The following ZNF438 variants were observed in gnomAD, a reference collection of about 807,000 sequenced individuals.
ZNF438 encodes zinc finger protein 438.
ZNF438 carries 25 observed loss-of-function variants against 38.0 expected under a neutral mutation model. The observed-to-expected ratio is 0.66, with a 90% CI of 0.48 to 0.92. The LOEUF is 0.92. Among genes scored for constraint, ZNF438 ranks in the 40% least tolerant of loss-of-function variants. The probability of loss-of-function intolerance (pLI) is 0.00; values close to 1 mark genes in which losing one functional copy is unlikely to be tolerated. For synonymous variants in ZNF438, 372 were observed against 364.1 expected (o/e 1.02, Z -0.25); for missense variants, 1,007 against 999.6 (o/e 1.01, Z -0.10).
chr10:30,957,224 T>C (rs1406948126), intron 1 of ZNF438, among the ~76,000 whole-genome samples: 1 of 152,232 alleles, frequency 6.6e-6, no homozygotes, highest in African/African-American at 2.4e-5. Flanking sequence ...TTTCCCACTT[T>C]AGCATTCAGA....
intron 1 of ZNF438, among the ~76,000 whole-genome samples, chr10:30,951,369 A>G (rs2048173666): frequency 6.7e-6 from 1 of 150,282 alleles, no homozygotes; most frequent in Non-Finnish European, 1.5e-5. Flanking sequence ...CACCACTCCT[A>G]TTCAACATAG....
intron 4 of ZNF438, among the ~76,000 whole-genome samples, chr10:30,859,169 C>G (rs1428854028): frequency 6.6e-6 from 1 of 152,204 alleles, no homozygotes; most frequent in East Asian, 1.9e-4. Context: ...CAGCTTCAAA[C>G]TCCCCAGGCT....
chr10:30,997,530 T>C (rs1383958336), intron 1 of ZNF438, among the ~76,000 whole-genome samples: 1 of 151,846 alleles, frequency 6.6e-6, no homozygotes, highest in African/African-American at 2.4e-5. Context: ...CAGACACTAG[T>C]GGTTGCCTAC....
At chr10:31,018,417 C>G (rs999862998) in intron 1 of ZNF438, among the ~76,000 whole-genome samples, 35 of 152,198 alleles carry the variant, frequency 2.3e-4, no homozygotes, top group Non-Finnish European at 4.3e-4. Flanking sequence ...AACTACTTCC[C>G]TGGAGGTACA....
intron 3 of ZNF438, among the ~76,000 whole-genome samples, chr10:30,889,368 T>C (rs948627529): frequency 1.3e-5 from 2 of 152,182 alleles, no homozygotes; most frequent in African/African-American, 4.8e-5. Context: ...AATGGCTGCA[T>C]GCTGCTAACG....
At chr10:31,010,804 G>A (rs919984608) in intron 1 of ZNF438, among the ~76,000 whole-genome samples, 1 of 146,914 alleles carries the variant, frequency 6.8e-6, no homozygotes, top group African/African-American at 2.6e-5. Context: ...GAGGCAGGAG[G>A]ATCACTTGTG....
intron 4 of ZNF438, among the ~76,000 whole-genome samples, chr10:30,851,226 T>C (rs757134426): frequency 2.8e-4 from 42 of 152,248 alleles, no homozygotes; most frequent in Non-Finnish European, 5.0e-4. Flanking sequence ...TTTTGACTGA[T>C]AGGGTAACAC....
intron 3 of ZNF438, among the ~76,000 whole-genome samples, chr10:30,885,843 G>C (rs2039883487): frequency 6.6e-6 from 1 of 152,154 alleles, no homozygotes; most frequent in Non-Finnish European, 1.5e-5. Context: ...TTTATAAAAA[G>C]CTGGGAAAGG....
rs1202245882 is a variant in ZNF438 at position 30,959,822 on chromosome 10, TA to T, written c.-191-18172del. ...CTCTGGAGAACCTTACTACATATGG[TA>T]AGTTGGTTTAACTTTAAAAGAAATA... On this transcript the variant is annotated intron_variant, in intron 1 of 5. Transcript: ENST00000413025. Among the ~76,000 whole-genome samples, 2 of 147,134 alleles carry T rather than the reference TA, an allele frequency of 1.4e-5. 1 individual carries two copies. Among genetic ancestry groups the T allele is most frequent in the Non-Finnish European group, 3.1e-5 (2 of 64,874 alleles).
At chr10:30,957,446 C>T (rs187983414) in intron 1 of ZNF438, among the ~76,000 whole-genome samples, 25 of 152,178 alleles carry the variant, frequency 1.6e-4, no homozygotes, top group African/African-American at 5.8e-4. Flanking sequence ...GAAGTCTTAC[C>T]CATACAAACC....
At chr10:30,868,072 AATT>A (rs2036763660) in intron 4 of ZNF438, among the ~76,000 whole-genome samples, 1 of 149,904 alleles carries the variant, frequency 6.7e-6, no homozygotes. Flanking sequence ...GTTTTTAAAG[AATT>A]TTTTTTTTTT....
At chr10:30,886,667 T>C (rs866039031) in intron 3 of ZNF438, among the ~76,000 whole-genome samples, 8 of 152,296 alleles carry the variant, frequency 5.3e-5, no homozygotes, top group African/African-American at 1.4e-4. Context: ...GTGCTAAAAG[T>C]GATAAACAGA....
chr10:30,887,475 G>A (rs952857382), intron 3 of ZNF438, among the ~76,000 whole-genome samples: 21 of 146,894 alleles, frequency 1.4e-4, no homozygotes, highest in Non-Finnish European at 2.8e-4. Flanking sequence ...TTCCTCCTCC[G>A]GCTCCCGGGT....
At chr10:30,890,538 A>G (rs2040552317) in intron 3 of ZNF438, among the ~76,000 whole-genome samples, 1 of 152,150 alleles carries the variant, frequency 6.6e-6, no homozygotes, top group African/African-American at 2.4e-5. Context: ...TCTTTGCTCT[A>G]TGGGCACCTT....
intron 1 of ZNF438, among the ~76,000 whole-genome samples, chr10:30,986,674 A>T (rs2052831817): frequency 6.6e-6 from 1 of 152,168 alleles, no homozygotes; most frequent in South Asian, 2.1e-4. Flanking sequence ...TGCATTATAT[A>T]CTTATTGAGT....
chr10:31,018,794 G>A (rs892073928), intron 1 of ZNF438, among the ~76,000 whole-genome samples: 14 of 152,210 alleles, frequency 9.2e-5, no homozygotes, highest in African/African-American at 3.4e-4. Flanking sequence ...CAGGAACCTA[G>A]GCAGAGGGAT....
chr10:30,923,880 A>ACAATCT (rs1405933251), intron 2 of ZNF438, among the ~76,000 whole-genome samples: 1 of 152,226 alleles, frequency 6.6e-6, no homozygotes, highest in Non-Finnish European at 1.5e-5. Context: ...TAGTAATCAT[A>ACAATCT]CAATCTCAAA....
chr10:30,907,779 T>TTGCTTTTA (rs989815251), intron 3 of ZNF438, among the ~76,000 whole-genome samples: 3 of 152,118 alleles, frequency 2.0e-5, no homozygotes, highest in African/African-American at 7.2e-5. Context: ...GAACCAACTT[T>TTGCTTTTA]TGCTTTTATT....
chr10:30,903,350 C>G (rs1279549233), intron 3 of ZNF438, among the ~76,000 whole-genome samples: 1 of 152,202 alleles, frequency 6.6e-6, no homozygotes, highest in African/African-American at 2.4e-5. Flanking sequence ...ACTGTCACCT[C>G]TCAGCTTTTA....
Sources: allele counts gnomAD v4.1 joint callset (sites outside exome capture counted in the v4.1 genomes callset), GRCh38; gene constraint gnomAD v4.1.1; transcripts MANE v1.5; gene names NCBI Gene and HGNC (gene_info 2026-07-23, HGNC 2026-07-21).